PRTFDC1: variants seen among roughly 807,000 people sequenced by gnomAD.
The protein encoded by PRTFDC1 is phosphoribosyltransferase domain-containing protein 1.
Under a neutral mutation model 34.6 loss-of-function variants are expected in PRTFDC1, and 38 were observed. That is an observed-to-expected ratio of 1.10 (90% CI 0.85 to 1.44). The LOEUF (loss-of-function observed/expected upper bound fraction) is 1.44, where lower values mean the gene tolerates loss of function less well. Among genes scored for constraint, PRTFDC1 ranks in the 40% most tolerant of loss-of-function variants. The pLI is 0.00. For missense variants in PRTFDC1, 270 were observed against 283.0 expected, an observed-to-expected ratio of 0.95 and a Z score of 0.33; for synonymous variants, 93 against 98.1, an observed-to-expected ratio of 0.95 and a Z score of 0.31.
chr10:24,872,541 C>T (rs549721307), intron 3 of PRTFDC1, among the ~76,000 whole-genome samples: 4 of 152,054 alleles, frequency 2.6e-5, no homozygotes, highest in Non-Finnish European at 4.4e-5. Flanking sequence ...CATTGGAGAT[C>T]CAGCCCCTCA....
At chr10:24,902,686 C>T (rs1320930746) in intron 3 of PRTFDC1, among the ~76,000 whole-genome samples, 1 of 152,184 alleles carries the variant, frequency 6.6e-6, no homozygotes, top group African/African-American at 2.4e-5. Context: ...TGTCTTTTCT[C>T]ATCACCCAGT....
At chr10:24,897,452 G>T (rs973714547) in intron 3 of PRTFDC1, among the ~76,000 whole-genome samples, 2 of 152,198 alleles carry the variant, frequency 1.3e-5, no homozygotes, top group Non-Finnish European at 2.9e-5. Flanking sequence ...TAAGAAGGTT[G>T]TGGTATTTAG....
At chr10:24,901,287 G>A (rs549604019) in intron 3 of PRTFDC1, among the ~76,000 whole-genome samples, 1 of 152,252 alleles carries the variant, frequency 6.6e-6, no homozygotes, top group Admixed American at 6.5e-5. Flanking sequence ...AAACTAAGTG[G>A]GTGTTTCTTT....
At chr10:24,928,531 C>A (rs1457567599) in intron 3 of PRTFDC1, among the ~76,000 whole-genome samples, 2 of 152,110 alleles carry the variant, frequency 1.3e-5, no homozygotes, top group African/African-American at 2.4e-5. Flanking sequence ...GCAACCTCCA[C>A]CTCCCGGGTT....
At chr10:24,913,916 G>A (rs991680912) in intron 3 of PRTFDC1, among the ~76,000 whole-genome samples, 1 of 152,176 alleles carries the variant, frequency 6.6e-6, no homozygotes, top group African/African-American at 2.4e-5. Flanking sequence ...TTCAGGGACT[G>A]ATGAAATTTT....
intron 1 of PRTFDC1, among the ~76,000 whole-genome samples, chr10:24,943,563 C>G (rs1421624378): frequency 7.4e-6 from 1 of 135,640 alleles, no homozygotes; most frequent in African/African-American, 2.7e-5. Flanking sequence ...TTTTTTTTCT[C>G]TCTCTGAGAC....
intron 3 of PRTFDC1, among the ~76,000 whole-genome samples, chr10:24,890,104 C>T (rs1292257785): frequency 6.6e-6 from 1 of 152,186 alleles, no homozygotes; most frequent in Admixed American, 6.5e-5. Context: ...TCCAGGACCC[C>T]TAAGGAAATG....
At chr10:24,850,846 A>T (rs1847474013) in intron 8 of PRTFDC1, among the ~76,000 whole-genome samples, 1 of 152,104 alleles carries the variant, frequency 6.6e-6, no homozygotes, top group African/African-American at 2.4e-5. Context: ...TTTGGTTTAA[A>T]TTTCTAATTC....
chr10:24,936,783 G>C (rs571442871), intron 3 of PRTFDC1, among the ~76,000 whole-genome samples: 3 of 152,178 alleles, frequency 2.0e-5, no homozygotes, highest in African/African-American at 7.2e-5. Context: ...CAAGTACTAA[G>C]ACTCCTCTCT....
At chr10:24,866,199 A>G (rs1157198121) in intron 4 of PRTFDC1, among the ~76,000 whole-genome samples, 4 of 151,974 alleles carry the variant, frequency 2.6e-5, no homozygotes, top group African/African-American at 9.7e-5. Flanking sequence ...CATCTCTTCT[A>G]AAACTACAAA....
chr10:24,930,108 A>G (rs949553813), intron 3 of PRTFDC1, among the ~76,000 whole-genome samples: 3 of 152,042 alleles, frequency 2.0e-5, no homozygotes, highest in Non-Finnish European at 2.9e-5. Context: ...CGGGTAGCTC[A>G]AGGGACTGCT....
At chr10:24,886,911 T>A (rs1334767140) in intron 3 of PRTFDC1, among the ~76,000 whole-genome samples, 1 of 151,926 alleles carries the variant, frequency 6.6e-6, no homozygotes, top group Non-Finnish European at 1.5e-5. Context: ...TCCTGCATTT[T>A]ACCATCTTTG....
chr10:24,869,061 C>G (rs1055468517), intron 4 of PRTFDC1, among the ~76,000 whole-genome samples: 3 of 152,154 alleles, frequency 2.0e-5, no homozygotes, highest in Non-Finnish European at 1.5e-5. Flanking sequence ...CTTCTAGCTA[C>G]TTTGAAATAT....
chr10:24,919,671 G>A (rs1848750431), intron 3 of PRTFDC1, among the ~76,000 whole-genome samples: 1 of 152,062 alleles, frequency 6.6e-6, no homozygotes, highest in African/African-American at 2.4e-5. Context: ...CACAGCAAAA[G>A]AAACTATTGT....
chr10:24,931,777 C>A (rs1234167799), intron 3 of PRTFDC1, among the ~76,000 whole-genome samples: 2 of 151,744 alleles, frequency 1.3e-5, no homozygotes, highest in African/African-American at 4.8e-5. Flanking sequence ...CTGGTGAATT[C>A]TACCAAATAC....
intron 1 of PRTFDC1, among the ~76,000 whole-genome samples, chr10:24,948,923 A>G (rs1849293430): frequency 6.6e-6 from 1 of 152,202 alleles, no homozygotes; most frequent in Admixed American, 6.5e-5. Context: ...GCTATGTAGT[A>G]TAGTGATTGA....
chr10:24,937,475 T>TG, intron 2 of PRTFDC1, 108 bp from the exon 3 acceptor site: 1 of 1,030,870 alleles, frequency 9.7e-7, no homozygotes, highest in Non-Finnish European at 1.3e-6. Context: ...CAGAGGAATG[T>TG]GGGGAAAACC....
At chr10:24,875,718 T>A (rs1234551825) in intron 3 of PRTFDC1, among the ~76,000 whole-genome samples, 1 of 152,174 alleles carries the variant, frequency 6.6e-6, no homozygotes, top group Admixed American at 6.5e-5. Flanking sequence ...TTCTCATATG[T>A]AAGGGTCAGT....
intron 1 of PRTFDC1, among the ~76,000 whole-genome samples, chr10:24,948,937 C>G (rs1849293860): frequency 6.6e-6 from 1 of 152,176 alleles, no homozygotes; most frequent in Non-Finnish European, 1.5e-5. Context: ...TGATTGAAAG[C>G]TGGTTCAAAT....
Sources: allele counts gnomAD v4.1 joint callset (sites outside exome capture counted in the v4.1 genomes callset), GRCh38; gene constraint gnomAD v4.1.1; transcripts MANE v1.5; gene names NCBI Gene and HGNC (gene_info 2026-07-23, HGNC 2026-07-21).